The following TMEM132C variants were observed in gnomAD, a reference collection of about 807,000 sequenced individuals.
TMEM132C encodes transmembrane protein 132C, also known as protein phosphatase 1, regulatory subunit 152.
Under a neutral mutation model 61.4 loss-of-function variants are expected in TMEM132C, and 29 were observed. The ratio of observed to expected loss-of-function variants is 0.47; its 90% CI spans 0.35 to 0.64. The LOEUF (loss-of-function observed/expected upper bound fraction) is 0.64. Among genes scored for constraint, TMEM132C ranks in the 30% least tolerant of loss-of-function variants. TMEM132C has a pLI of 0.00. For synonymous variants in TMEM132C, 656 were observed against 633.1 expected (o/e 1.04, Z -0.54); for missense variants, 1,408 against 1,476.9 (o/e 0.95, Z 0.76).
chr12:128,331,480 A>AT (rs112088846), intron 1 of TMEM132C, among the ~76,000 whole-genome samples: 8 of 152,072 alleles, frequency 5.3e-5, no homozygotes, highest in African/African-American at 1.4e-4. Context: ...ACATGTACAC[A>AT]TTTTTTTGGC....
intron 5 of TMEM132C, among the ~76,000 whole-genome samples, chr12:128,692,617 ATCT>A (rs971607392): frequency 1.3e-5 from 2 of 152,114 alleles, no homozygotes; most frequent in African/African-American, 4.8e-5. Context: ...TTGTCTTATA[ATCT>A]TCTGTTCACA....
chr12:128,628,291 G>A (rs1452606241), intron 4 of TMEM132C, among the ~76,000 whole-genome samples: 2 of 152,140 alleles, frequency 1.3e-5, no homozygotes, highest in Admixed American at 1.3e-4. Context: ...TTTAAAAAGT[G>A]CAATGTCTGG....
chr12:128,690,942 C>T (rs749524748), intron 5 of TMEM132C, among the ~76,000 whole-genome samples: 5 of 152,128 alleles, frequency 3.3e-5, no homozygotes, highest in Admixed American at 2.0e-4. Flanking sequence ...CCATGGTTCC[C>T]GGAAGCTGGG....
chr12:128,544,197 G>GGCT, intron 3 of TMEM132C, 94 bp downstream of exon 3: 1 of 1,410,606 alleles, frequency 7.1e-7, no homozygotes, highest in African/African-American at 1.5e-5. Context: ...TCGCGTGAGC[G>GGCT]GCTGCTCAGA....
At chr12:128,401,905 A>G (rs1274455633) in intron 1 of TMEM132C, among the ~76,000 whole-genome samples, 2 of 152,074 alleles carry the variant, frequency 1.3e-5, no homozygotes, top group African/African-American at 4.8e-5. Flanking sequence ...CACCCTCCCC[A>G]TAGATGTTTA....
intron 1 of TMEM132C, among the ~76,000 whole-genome samples, chr12:128,410,187 G>A (rs2136017367): frequency 6.6e-6 from 1 of 152,210 alleles, no homozygotes; most frequent in South Asian, 2.1e-4. Flanking sequence ...TTTTGATACA[G>A]TTGGAGTCTT....
rs71069569 is a variant in TMEM132C at position 128,459,884 on chromosome 12, C to CAAA, written c.974+44284_974+44286dup. Among the ~76,000 whole-genome samples the CAAA allele has an allele frequency of 5.3e-3, 431 of 81,322 alleles. 15 individuals carry two copies. Among genetic ancestry groups the CAAA allele is most frequent in the African/African-American group, 8.2e-3 (159 of 19,404 alleles). 53.4% of individuals were successfully genotyped at this position (81,322 alleles called of 152,430 possible). A position where few individuals can be genotyped will look rare whatever the true frequency, so the allele number is the denominator to read the frequency against. Reference sequence around the variant, plus strand: ...CGGGCAACAGAGCAAGACTCTGTCTCAAAAAAAAAAAAAAAAAAAAAAGAA... The same window carrying CAAA: ...CGGGCAACAGAGCAAGACTCTGTCTCAAAAAAAAAAAAAAAAAAAAAAAAAGAA... On this transcript the variant is annotated intron_variant, in intron 2 of 8. Coordinates refer to ENST00000435159, the MANE Select transcript of TMEM132C (RefSeq NM_001136103.3).
At chr12:128,343,041 C>T (rs1341061687) in intron 1 of TMEM132C, among the ~76,000 whole-genome samples, 1 of 152,146 alleles carries the variant, frequency 6.6e-6, no homozygotes, top group Non-Finnish European at 1.5e-5. Context: ...AGCAAGGTGG[C>T]CCAAGAGAAG....
At position 128,582,664 on chromosome 12, in the gene TMEM132C, T is replaced by C. The variant is rs184379146; in HGVS notation, c.1122-33488T>C. Among the ~76,000 whole-genome samples, 6 of 152,298 alleles carry C rather than the reference T, an allele frequency of 3.9e-5. No individual in the cohort carries two copies. The East Asian group carries it at 1.2e-3, about 29-fold the overall frequency. On this transcript the variant is annotated intron_variant, in intron 3 of 8. Transcript: ENST00000435159. ...CTGCTGTTGCATCTTCCTCATTTTC[T>C]CTTGCCACCGCCATGTAAAAAGTGC...
At chr12:128,465,187 A>C (rs1047477937) in intron 2 of TMEM132C, among the ~76,000 whole-genome samples, 21 of 149,666 alleles carry the variant, frequency 1.4e-4, no homozygotes, top group Admixed American at 8.0e-4. Flanking sequence ...CATCATCCTG[A>C]TCATTCTTCA....
chr12:128,395,459 A>T (rs1043877581), intron 1 of TMEM132C, among the ~76,000 whole-genome samples: 13 of 152,196 alleles, frequency 8.5e-5, no homozygotes, highest in African/African-American at 2.7e-4. Flanking sequence ...TTCTCTACTT[A>T]TGATGGGGTA....
At chr12:128,407,223 C>G (rs1280318331) in intron 1 of TMEM132C, among the ~76,000 whole-genome samples, 5 of 152,196 alleles carry the variant, frequency 3.3e-5, no homozygotes, top group Non-Finnish European at 7.3e-5. Flanking sequence ...ATAAAGGGCA[C>G]TTCCCCTGCA....
chr12:128,289,702 T>G, intron 1 of TMEM132C, among the ~76,000 whole-genome samples: 1 of 152,192 alleles, frequency 6.6e-6, no homozygotes, highest in Admixed American at 6.5e-5. Flanking sequence ...TCTCAATAAT[T>G]TTTGGCCTAT....
intron 1 of TMEM132C, among the ~76,000 whole-genome samples, chr12:128,267,744 GCC>G (rs1269866903): frequency 6.6e-6 from 1 of 152,198 alleles, no homozygotes; most frequent in African/African-American, 2.4e-5. Context: ...ACCCAGAGCT[GCC>G]CCGCGGATGA....
chr12:128,314,591 C>T (rs1872084828), intron 1 of TMEM132C, among the ~76,000 whole-genome samples: 1 of 152,098 alleles, frequency 6.6e-6, no homozygotes, highest in Non-Finnish European at 1.5e-5. Context: ...TCAATGAGGA[C>T]ATACTGGATT....
At chr12:128,457,062 C>T (rs375603787) in intron 2 of TMEM132C, among the ~76,000 whole-genome samples, 72 of 152,168 alleles carry the variant, frequency 4.7e-4, no homozygotes, top group African/African-American at 1.7e-3. Context: ...CTGGTGGCCT[C>T]CAGTTTGGGC....
chr12:128,579,082 C>T (rs528827641), intron 3 of TMEM132C, among the ~76,000 whole-genome samples: 5 of 152,272 alleles, frequency 3.3e-5, no homozygotes, highest in Non-Finnish European at 5.9e-5. Context: ...CACACACAAG[C>T]GAATGCTGCC....
chr12:128,392,054 C>CTCTG (rs1168582681), intron 1 of TMEM132C, among the ~76,000 whole-genome samples: 138 of 83,360 alleles, frequency 1.7e-3, no homozygotes, highest in African/African-American at 7.5e-3. Context: ...CTGTCTCTGT[C>CTCTG]TCTCTCTCTT....
intron 5 of TMEM132C, among the ~76,000 whole-genome samples, chr12:128,675,711 G>C (rs762256301): frequency 6.6e-6 from 1 of 152,148 alleles, no homozygotes; most frequent in Non-Finnish European, 1.5e-5. Flanking sequence ...TATGTGAATA[G>C]ATGGGTGGGT....
Sources: gnomAD v4.1 joint callset for allele counts (sites outside exome capture counted in the v4.1 genomes callset) on GRCh38, gnomAD v4.1.1 for gene constraint, MANE v1.5 for transcripts, NCBI Gene and HGNC (gene_info 2026-07-23, HGNC 2026-07-21) for gene names.